MPZL1: variants seen among roughly 807,000 people sequenced by gnomAD.
The protein encoded by MPZL1 is myelin protein zero-like protein 1.
Under a neutral mutation model 29.3 loss-of-function variants are expected in MPZL1, and 16 were observed. That is an observed-to-expected ratio of 0.55 (90% CI 0.37 to 0.83). MPZL1 has a LOEUF of 0.83. MPZL1 is among the 40% of genes least tolerant of loss of function. The pLI, the probability that MPZL1 is intolerant of heterozygous loss-of-function variation, is 0.00. For missense variants in MPZL1, 279 were observed against 332.9 expected, an observed-to-expected ratio of 0.84 and a Z score of 1.26; for synonymous variants, 143 against 132.0, an observed-to-expected ratio of 1.08 and a Z score of -0.57.
intron 1 of MPZL1, among the ~76,000 whole-genome samples, chr1:167,745,613 T>A (rs1226333821): frequency 6.6e-6 from 1 of 152,074 alleles, no homozygotes; most frequent in East Asian, 1.9e-4. Flanking sequence ...TTTGTCATAT[T>A]CTTTTTGTAT....
chr1:167,790,691 T>G lies in MPZL1; in HGVS notation c.*2770T>G, dbSNP rs1382676750. On this transcript the variant is annotated 3_prime_UTR_variant, in exon 6 of 6. Coordinates refer to ENST00000359523, the MANE Select transcript of MPZL1 (RefSeq NM_003953.6). ...CACTCAAAAGGCATTACTTAGAGAT[T>G]GAAATTTCAAACTATCTCTAGTTTT... 2 of 152,198 alleles carry G rather than the reference T, an allele frequency of 1.3e-5. No homozygotes were observed. The highest frequency in any genetic ancestry group is 2.9e-5 in the Non-Finnish European group (2 of 68,042). The allele number at this position is 152,198 out of a possible 1,614,324, so 9.4% of individuals were successfully genotyped here.
chr1:167,785,248 G>A (rs1479305467), intron 5 of MPZL1, among the ~76,000 whole-genome samples: 1 of 152,246 alleles, frequency 6.6e-6, no homozygotes. Flanking sequence ...ACAGTCTACA[G>A]TGGTCTCACT....
chr1:167,744,556 C>T (rs1458476021), intron 1 of MPZL1, among the ~76,000 whole-genome samples: 1 of 151,612 alleles, frequency 6.6e-6, no homozygotes, highest in African/African-American at 2.4e-5. Flanking sequence ...TGGTCGTGTG[C>T]GTCTATAATC....
In MPZL1 at chr1:167,776,093, T is replaced by G. The variant is rs1392954718; in HGVS notation, c.635T>G (p.Val212Gly). The G allele has an allele frequency of 6.2e-7, 1 of 1,612,270 alleles. No homozygotes were observed. Among genetic ancestry groups the G allele is most frequent in the Admixed American group, 1.7e-5 (1 of 59,876 alleles). ...AGTACATCAGAGAGTTTGTCACCAG[T>G]TAAGCAGGCTCCTCGGAAGTCCCCC... The part of the protein sequence containing the change: ...GCSTSESLSP[V>G]KQAPRKSPSD... The change falls in exon 5 of 6, where the codon GTT becomes GGT. Residue 212 changes from valine to glycine, a missense_variant. Physicochemically the swap from Val to Gly is moderately radical, Grantham distance 109. Coordinates refer to ENST00000359523, the MANE Select transcript of MPZL1 (RefSeq NM_003953.6).
chr1:167,762,294 G>A (rs944238676), intron 1 of MPZL1, among the ~76,000 whole-genome samples: 2 of 152,170 alleles, frequency 1.3e-5, no homozygotes, highest in African/African-American at 4.8e-5. Context: ...TAGTGCTGAG[G>A]TTGAGAAGCC....
intron 1 of MPZL1, among the ~76,000 whole-genome samples, chr1:167,752,415 C>A (rs941003131): frequency 6.6e-6 from 1 of 152,166 alleles, no homozygotes; most frequent in Admixed American, 6.5e-5. Flanking sequence ...TTCCCATGCC[C>A]TGCACTGTGC....
At chr1:167,728,740 A>C (rs1660207216) in intron 1 of MPZL1, among the ~76,000 whole-genome samples, 1 of 152,210 alleles carries the variant, frequency 6.6e-6, no homozygotes, top group African/African-American at 2.4e-5. Flanking sequence ...GATACACTGA[A>C]TCCAGTACTT....
At chr1:167,751,207 C>T (rs1660748380) in intron 1 of MPZL1, among the ~76,000 whole-genome samples, 1 of 152,158 alleles carries the variant, frequency 6.6e-6, no homozygotes. Context: ...TATCATGTTT[C>T]TCCTTAAACT....
chr1:167,778,554 A>G lies in MPZL1; in HGVS notation c.708+2388A>G, dbSNP rs137961549. On this transcript the variant is annotated intron_variant, in intron 5 of 5. Transcript: ENST00000359523. ...GATGGATGGATGGATGGATGGATGG[A>G]TGGATGGATGGATAGATTTAAAAAA... Among the ~76,000 whole-genome samples, 686 of 151,786 alleles carry G rather than the reference A, an allele frequency of 4.5e-3. 10 individuals carry two copies. The highest frequency in any genetic ancestry group is 0.016 in the African/African-American group (653 of 41,462).
chr1:167,723,393 G>C (rs759704075), intron 1 of MPZL1, among the ~76,000 whole-genome samples: 1 of 152,192 alleles, frequency 6.6e-6, no homozygotes, highest in Non-Finnish European at 1.5e-5. Context: ...GGGCTGTAAA[G>C]CATAAATGTA....
chr1:167,779,967 G>T (rs528644443), intron 5 of MPZL1, among the ~76,000 whole-genome samples: 4 of 151,942 alleles, frequency 2.6e-5, no homozygotes, highest in African/African-American at 9.7e-5. Flanking sequence ...GAGATAGAGG[G>T]ACTTTTTATG....
chr1:167,787,835 GCA>G lies in MPZL1; in HGVS notation c.727_728del (p.Gln243ValfsTer10). 6.2e-7 allele frequency: 1 copy of G among 1,613,118 alleles called. No individual in the cohort carries two copies. The highest frequency in any genetic ancestry group is 2.2e-5 in the East Asian group (1 of 44,884). ...CCTTTTCCAGGGCCCAGTCATATATGCACAGTTAGACCACTCCGGCGGACATC... is the reference window on the plus strand; with the variant it reads ...CCTTTTCCAGGGCCCAGTCATATATGCAGTTAGACCACTCCGGCGGACATC... ...SGSHQGPVIYAQLDHSGGHHS... is the reference protein window; with the variant it reads ...SGSHQGPVIYXQLDHSGGHHS... On this transcript the variant is annotated frameshift_variant, in exon 6 of 6. Transcript: ENST00000359523. LOFTEE classifies it high-confidence loss of function.
At position 167,756,429 on chromosome 1, in the gene MPZL1, ATTTTTTTTTT is replaced by A. The variant is rs11455159; in HGVS notation, c.92-9138_92-9129del. 4.8e-3 allele frequency among the ~76,000 whole-genome samples: 452 copies of A among 94,642 alleles called. 1 individual carries two copies. The highest frequency in any genetic ancestry group is 7.5e-3 in the Non-Finnish European group (370 of 49,370). The allele number at this position is 94,642 out of a possible 152,430, so 62.1% of individuals were successfully genotyped here. On this transcript the variant is annotated intron_variant, in intron 1 of 5. Coordinates refer to ENST00000359523, the MANE Select transcript of MPZL1 (RefSeq NM_003953.6). ...GGCATGAGCCACCTTGTCTGGCCAG[ATTTTTTTTTT>A]TTTTTTTTTTTTTTTGGTAATCAAA... is the stretch of plus-strand genomic sequence containing the variant.
At chr1:167,779,835 A>G (rs1661454978) in intron 5 of MPZL1, among the ~76,000 whole-genome samples, 1 of 152,236 alleles carries the variant, frequency 6.6e-6, no homozygotes, top group Admixed American at 6.5e-5. Context: ...ACAGCTAACA[A>G]GCTCTATCTC....
intron 1 of MPZL1, among the ~76,000 whole-genome samples, chr1:167,735,548 A>G (rs1241917410): frequency 6.6e-6 from 1 of 152,126 alleles, no homozygotes; most frequent in Non-Finnish European, 1.5e-5. Context: ...TAGATAACCT[A>G]TCTATATCTT....
intron 1 of MPZL1, among the ~76,000 whole-genome samples, chr1:167,753,732 C>T (rs528358937): frequency 4.6e-5 from 7 of 151,940 alleles, no homozygotes; most frequent in East Asian, 1.9e-4. Flanking sequence ...CAGGTTTAAG[C>T]GATTCTCCTA....
At chr1:167,757,086 A>G (rs368298729) in intron 1 of MPZL1, among the ~76,000 whole-genome samples, 2 of 152,198 alleles carry the variant, frequency 1.3e-5, no homozygotes, top group East Asian at 1.9e-4. Flanking sequence ...GCCTTCCCCT[A>G]CTTTGTGCCA....
intron 1 of MPZL1, among the ~76,000 whole-genome samples, chr1:167,740,997 G>A (rs367915794): frequency 6.6e-6 from 1 of 152,092 alleles, no homozygotes; most frequent in Non-Finnish European, 1.5e-5. Flanking sequence ...GCAGTACACA[G>A]CACCAGAATT....
intron 2 of MPZL1, among the ~76,000 whole-genome samples, chr1:167,769,661 A>C (rs767425482): frequency 1.3e-5 from 2 of 152,204 alleles, no homozygotes; most frequent in Admixed American, 6.5e-5. Flanking sequence ...GTAGGGTAAA[A>C]TCTCAGACCC....
Sources: allele counts gnomAD v4.1 joint callset (sites outside exome capture counted in the v4.1 genomes callset), GRCh38; gene constraint gnomAD v4.1.1; transcripts MANE v1.5; gene names NCBI Gene and HGNC (gene_info 2026-07-23, HGNC 2026-07-21).